The following DCP1B variants were observed in gnomAD, a reference collection of about 807,000 sequenced individuals.
DCP1B encodes decapping mRNA 1B.
DCP1B carries 47 observed loss-of-function variants against 60.5 expected under a neutral mutation model. The ratio of observed to expected loss-of-function variants is 0.78; its 90% CI spans 0.61 to 0.99. DCP1B has a LOEUF of 0.99. DCP1B is among the 50% of genes least tolerant of loss of function. The pLI, the probability that DCP1B is intolerant of heterozygous loss-of-function variation, is 0.00. For missense variants in DCP1B, 725 were observed against 756.8 expected (o/e 0.96, Z 0.49); for synonymous variants, 267 against 280.3 (o/e 0.95, Z 0.47).
intron 5 of DCP1B, among the ~76,000 whole-genome samples, chr12:1,960,616 T>C (rs989961466): frequency 1.1e-4 from 16 of 152,214 alleles, no homozygotes; most frequent in African/African-American, 3.9e-4. Context: ...ATAATATACA[T>C]GCATATCAAA....
At position 1,955,426 on chromosome 12, in the gene DCP1B, C is replaced by T. The variant is rs2030847075; in HGVS notation, c.651+6G>A. 1 of 1,611,824 alleles carries T rather than the reference C, an allele frequency of 6.2e-7. No individual in the cohort carries two copies. Among genetic ancestry groups the T allele is most frequent in the African/African-American group, 1.3e-5 (1 of 74,800 alleles). On this transcript the variant is annotated splice_donor_region_variant and intron_variant, in intron 6 of 8. Transcript: ENST00000280665. ...CACTGAATATGACAAGCAGAGAACTCCGTACCTGGTTGGGCTGAGGTATAC... is the reference window on the plus strand; with the variant it reads ...CACTGAATATGACAAGCAGAGAACTTCGTACCTGGTTGGGCTGAGGTATAC...
At chr12:1,992,913 T>C in intron 3 of DCP1B, 1 of 541,018 alleles carries the variant, frequency 1.8e-6, no homozygotes, top group Non-Finnish European at 3.3e-6. Context: ...TAATTCTTCG[T>C]TCAGGGAGCC....
intron 8 of DCP1B, among the ~76,000 whole-genome samples, chr12:1,947,035 G>C (rs758016087): frequency 6.6e-6 from 1 of 152,102 alleles, no homozygotes; most frequent in Non-Finnish European, 1.5e-5. Flanking sequence ...GCTTTGTTTT[G>C]GGCATTACTT....
At chr12:1,969,338 A>G (rs1007129491) in intron 3 of DCP1B, among the ~76,000 whole-genome samples, 1 of 152,150 alleles carries the variant, frequency 6.6e-6, no homozygotes, top group African/African-American at 2.4e-5. Flanking sequence ...GGAACCTATG[A>G]ATCTGAATTA....
At chr12:1,994,487 T>C (rs1007217472) in intron 2 of DCP1B, among the ~76,000 whole-genome samples, 1 of 152,126 alleles carries the variant, frequency 6.6e-6, no homozygotes, top group African/African-American at 2.4e-5. Context: ...TACAAAGGGG[T>C]AAAGTGGTGG....
chr12:1,980,576 T>C (rs2035819579), intron 3 of DCP1B, among the ~76,000 whole-genome samples: 1 of 151,934 alleles, frequency 6.6e-6, no homozygotes, highest in Non-Finnish European at 1.5e-5. Flanking sequence ...AGTTTTTAAT[T>C]TGATGAAATT....
At chr12:2,001,551 A>C (rs1188224808) in intron 1 of DCP1B, among the ~76,000 whole-genome samples, 1 of 152,208 alleles carries the variant, frequency 6.6e-6, no homozygotes, top group Non-Finnish European at 1.5e-5. Flanking sequence ...CTCTATTTTA[A>C]CTTGATTATT....
chr12:1,967,218 G>A (rs185098987), intron 4 of DCP1B, among the ~76,000 whole-genome samples: 2 of 152,320 alleles, frequency 1.3e-5, no homozygotes, highest in Non-Finnish European at 2.9e-5. Flanking sequence ...TTTTAAAGTT[G>A]CCCAAAATGC....
At chr12:1,976,483 T>C (rs2034396679) in intron 3 of DCP1B, among the ~76,000 whole-genome samples, 1 of 152,198 alleles carries the variant, frequency 6.6e-6, no homozygotes, top group African/African-American at 2.4e-5. Flanking sequence ...ATAGGTTACC[T>C]ATTCTGACTA....
rs1437379028 is a variant in DCP1B, at chr12:2,001,023, G to A, written c.151-3048C>T. Reference sequence around the variant, plus strand: ...TTGCACTCCAGCCTGGGGAACAAGAGCGAGACTTCGTCTCAAAAAAAAAAA... The same window carrying A: ...TTGCACTCCAGCCTGGGGAACAAGAACGAGACTTCGTCTCAAAAAAAAAAA... On this transcript the variant is annotated intron_variant, in intron 1 of 8. Coordinates refer to ENST00000280665, the MANE Select transcript of DCP1B (RefSeq NM_152640.5). Among the ~76,000 whole-genome samples, 7 of 140,996 alleles carry A rather than the reference G, an allele frequency of 5.0e-5. No homozygotes were observed. In the East Asian group the frequency reaches 1.4e-3, roughly 29 times the overall value. 92.5% of individuals were successfully genotyped at this position (140,996 alleles called of 152,430 possible). A position where few individuals can be genotyped will look rare whatever the true frequency, so the allele number is the denominator to read the frequency against.
At chr12:1,991,542 G>T in intron 3 of DCP1B, 8 of 236,802 alleles carry the variant, frequency 3.4e-5, no homozygotes, top group Non-Finnish European at 4.2e-5. Context: ...AATAATTGAG[G>T]TTTTTTCCTT....
intron 4 of DCP1B, among the ~76,000 whole-genome samples, chr12:1,967,167 A>C (rs1168562904): frequency 1.3e-5 from 2 of 152,230 alleles, no homozygotes; most frequent in Non-Finnish European, 2.9e-5. Context: ...TCCTCTTTCA[A>C]CGCAATCAGG....
chr12:1,958,761 A>G (rs2031003707), intron 5 of DCP1B, among the ~76,000 whole-genome samples: 1 of 136,778 alleles, frequency 7.3e-6, no homozygotes, highest in East Asian at 2.3e-4. Flanking sequence ...CCGGAAGGAA[A>G]CAGGGGAAAA....
At chr12:1,949,414 G>A (rs2030573938) in intron 7 of DCP1B, 80 bp from the exon 8 acceptor site, 2 of 1,567,994 alleles carry the variant, frequency 1.3e-6, no homozygotes, top group Non-Finnish European at 1.7e-6. Flanking sequence ...AGATACGGGT[G>A]GTCTAAGCAT....
intron 7 of DCP1B, among the ~76,000 whole-genome samples, chr12:1,950,959 T>C (rs2030644742): frequency 6.6e-6 from 1 of 152,126 alleles, no homozygotes; most frequent in South Asian, 2.1e-4. Context: ...AAGTTCAAGA[T>C]TTTTGAGAAA....
chr12:1,955,020 T>C (rs1026788778), intron 6 of DCP1B, among the ~76,000 whole-genome samples: 1 of 152,182 alleles, frequency 6.6e-6, no homozygotes, highest in African/African-American at 2.4e-5. Flanking sequence ...CACGCCATCA[T>C]GCCTGGCTAA....
chr12:1,946,217 T>A lies in DCP1B; in HGVS notation c.1843A>T (p.Lys615Ter). The change falls in exon 9 of 9, where the codon AAG becomes TAG. Residue 615 changes from lysine (K) to a stop codon, truncating the protein, a stop_gained. Transcript: ENST00000280665. LOFTEE classifies it high-confidence loss of function. ...LFSMTQAAMK[K>*]TM ...AAAAGGCCTTGCTGTCACATAGTCT[T>A]TTTCATGGCTGCTTGAGTCATGCTG... The A allele has an allele frequency of 6.2e-7, 1 of 1,604,204 alleles. No homozygotes were observed. Among genetic ancestry groups the A allele is most frequent in the East Asian group, 2.2e-5 (1 of 44,572 alleles).
At chr12:1,942,022 G>A (rs990245121), downstream of DCP1B, among the ~76,000 whole-genome samples, 20 of 152,128 alleles carry the variant, frequency 1.3e-4, no homozygotes, top group African/African-American at 4.1e-4. Context: ...AAGACCCATC[G>A]GTGTGCTGTA....
Position 1,953,292 on chromosome 12 carries a change from G to A in DCP1B, c.652-4C>T. The A allele has an allele frequency of 2.6e-6, 4 of 1,556,418 alleles. No homozygotes were observed. Among genetic ancestry groups the A allele is most frequent in the Non-Finnish European group, 3.5e-6 (4 of 1,159,128 alleles). On this transcript the variant is annotated splice_polypyrimidine_tract_variant and splice_region_variant and intron_variant, in intron 6 of 8. Coordinates refer to ENST00000280665, the MANE Select transcript of DCP1B (RefSeq NM_152640.5). Reference sequence around the variant, plus strand: ...GTTGGGGTTCAGGGTCTAAGGTCTGGAAAAAATAAAGATATCTGACATGAG... The same window carrying A: ...GTTGGGGTTCAGGGTCTAAGGTCTGAAAAAAATAAAGATATCTGACATGAG...
Sources: gnomAD v4.1 joint callset for allele counts (sites outside exome capture counted in the v4.1 genomes callset) on GRCh38, gnomAD v4.1.1 for gene constraint, MANE v1.5 for transcripts, NCBI Gene and HGNC (gene_info 2026-07-23, HGNC 2026-07-21) for gene names.